The following EVA1A variants were observed in gnomAD, a reference collection of about 807,000 sequenced individuals.
The protein encoded by EVA1A is protein eva-1 homolog A.
EVA1A carries 7 observed loss-of-function variants against 9.8 expected under a neutral mutation model. The ratio of observed to expected loss-of-function variants is 0.71; its 90% CI spans 0.41 to 1.34. The LOEUF (loss-of-function observed/expected upper bound fraction) is 1.34, where lower values mean the gene tolerates loss of function less well. Ranked by LOEUF, EVA1A falls within the 40% of genes most tolerant of loss-of-function variation. EVA1A has a pLI of 0.01. For synonymous variants in EVA1A, 90 were observed against 85.6 expected, an observed-to-expected ratio of 1.05 and a Z score of -0.28; for missense variants, 206 against 205.9, an observed-to-expected ratio of 1.00 and a Z score of 0.00.
At chr2:75,511,845 C>T (rs1674824506) in intron 3 of EVA1A, among the ~76,000 whole-genome samples, 1 of 151,958 alleles carries the variant, frequency 6.6e-6, no homozygotes, top group Non-Finnish European at 1.5e-5. Flanking sequence ...CCTAGGAGTT[C>T]CAGCAGGGGA....
upstream of EVA1A, chr2:75,561,338 C>A (rs1676916563): frequency 6.6e-6 from 1 of 151,568 alleles, no homozygotes; most frequent in Admixed American, 6.6e-5. Context: ...TCAACTCAGA[C>A]AGGAAATAAC....
At chr2:75,543,052 A>G (rs1021021926) in intron 1 of EVA1A, among the ~76,000 whole-genome samples, 10 of 152,210 alleles carry the variant, frequency 6.6e-5, no homozygotes, top group African/African-American at 2.4e-4. Context: ...CTGGCAGGAA[A>G]TGGCTGTATA....
intron 2 of EVA1A, 81 bp from the exon 3 acceptor site, chr2:75,518,289 A>G: frequency 7.2e-7 from 1 of 1,395,326 alleles, no homozygotes; most frequent in Non-Finnish European, 9.5e-7. Context: ...ACTCCTAAAG[A>G]CATATTTTTG....
At position 75,510,562 on chromosome 2, in the gene EVA1A, C is replaced by T. The variant is rs755370566; in HGVS notation, c.85+7494G>A. Among the ~76,000 whole-genome samples, 37 of 152,116 alleles carry T rather than the reference C, an allele frequency of 2.4e-4. 1 individual carries two copies. The highest frequency in any genetic ancestry group is 1.3e-4 in the Non-Finnish European group (9 of 68,006). ...TACCAATGTCATGGGAAACATGATT[C>T]GAATTCTGGTTAAATACTAAACAGC... is the stretch of plus-strand genomic sequence containing the variant. On this transcript the variant is annotated intron_variant, in intron 3 of 3. Transcript: ENST00000393913.
In EVA1A at chr2:75,493,350, C is replaced by T. The variant is rs199652572; in HGVS notation, c.345G>A (p.Ala115=). The part of the protein sequence containing the change: ...RTLNKNVFTS[A]EELERAQRLE... ...GCCGCTGGGCGCGCTCCAGCTCCTCCGCAGAGGTGAACACATTCTTGTTCA... is the reference window on the plus strand; with the variant it reads ...GCCGCTGGGCGCGCTCCAGCTCCTCTGCAGAGGTGAACACATTCTTGTTCA... The change falls in exon 4 of 4, where the codon GCG becomes GCA. Residue 115 remains alanine, a synonymous_variant. Coordinates refer to ENST00000393913, the MANE Select transcript of EVA1A (RefSeq NM_001135032.2). The T allele has an allele frequency of 6.8e-6, 11 of 1,614,214 alleles. No individual in the cohort carries two copies. Among genetic ancestry groups the T allele is most frequent in the African/African-American group, 1.3e-5 (1 of 75,078 alleles).
At chr2:75,526,420 C>T (rs1355172090) in intron 1 of EVA1A, among the ~76,000 whole-genome samples, 1 of 152,186 alleles carries the variant, frequency 6.6e-6, no homozygotes, top group Non-Finnish European at 1.5e-5. Flanking sequence ...AGACCTTTCT[C>T]TTCAACCAGA....
upstream of EVA1A, among the ~76,000 whole-genome samples, chr2:75,563,078 T>C (rs1676957239): frequency 6.6e-6 from 1 of 152,254 alleles, no homozygotes; most frequent in African/African-American, 2.4e-5. Context: ...ACTGCTAATA[T>C]GTGTTGGTAC....
chr2:75,519,821 C>CATGTTTT (rs145063405), intron 2 of EVA1A, among the ~76,000 whole-genome samples: 4,851 of 152,302 alleles, frequency 0.032, 153 homozygotes, highest in East Asian at 0.15. Flanking sequence ...TCCCTCCTTC[C>CATGTTTT]TGTCTCCACT....
At chr2:75,568,096 C>T (rs1458744267) in intron 1 of EVA1A, among the ~76,000 whole-genome samples, 3 of 152,124 alleles carry the variant, frequency 2.0e-5, no homozygotes, top group Middle Eastern at 3.2e-3. Flanking sequence ...TGACTTCAAA[C>T]TCCCTGGGCA....
intron 3 of EVA1A, among the ~76,000 whole-genome samples, chr2:75,515,047 A>AT (rs1474282778): frequency 6.6e-6 from 1 of 152,072 alleles, no homozygotes; most frequent in Non-Finnish European, 1.5e-5. Context: ...TCCATTTTGC[A>AT]TTTTTCTGCC....
At chr2:75,557,703 C>T (rs1266335232) in intron 1 of EVA1A, among the ~76,000 whole-genome samples, 1 of 152,244 alleles carries the variant, frequency 6.6e-6, no homozygotes, top group Non-Finnish European at 1.5e-5. Flanking sequence ...AGTTAATCCT[C>T]TTCTAGCCCT....
intron 3 of EVA1A, among the ~76,000 whole-genome samples, chr2:75,500,493 T>A (rs1674375634): frequency 1.3e-5 from 2 of 152,028 alleles, no homozygotes. Context: ...TGGCAATAAG[T>A]GATATTTATT....
chr2:75,527,228 T>C (rs1675478628), intron 1 of EVA1A, among the ~76,000 whole-genome samples: 1 of 152,164 alleles, frequency 6.6e-6, no homozygotes, highest in African/African-American at 2.4e-5. Context: ...TAGCCTAGAC[T>C]TTCACCCTTA....
chr2:75,563,947 CTAAGA>C (rs1347105889), upstream of EVA1A, among the ~76,000 whole-genome samples: 2 of 152,158 alleles, frequency 1.3e-5, no homozygotes, highest in Non-Finnish European at 2.9e-5. Context: ...GTGATTTATT[CTAAGA>C]TGAGAGGGCC....
intron 1 of EVA1A, chr2:75,541,931 T>C (rs1238103405): frequency 6.6e-6 from 1 of 152,270 alleles, no homozygotes; most frequent in Admixed American, 6.5e-5. Context: ...TGGTGTGATA[T>C]GATTTGGCTC....
chr2:75,498,289 T>C (rs1338907458), intron 3 of EVA1A, among the ~76,000 whole-genome samples: 2 of 120,782 alleles, frequency 1.7e-5, no homozygotes, highest in Non-Finnish European at 3.2e-5. Flanking sequence ...TGGGTAAACG[T>C]GGACATAAAG....
chr2:75,551,909 C>T (rs904736687), intron 1 of EVA1A, among the ~76,000 whole-genome samples: 2 of 152,116 alleles, frequency 1.3e-5, no homozygotes, highest in African/African-American at 2.4e-5. Context: ...GGCCGGGCAC[C>T]GTAGCTCATG....
At chr2:75,566,550 A>T (rs545892082) in intron 1 of EVA1A, among the ~76,000 whole-genome samples, 31 of 152,348 alleles carry the variant, frequency 2.0e-4, no homozygotes, top group Admixed American at 1.8e-3. Context: ...CCCGAAAAGG[A>T]TGAAATATTG....
chr2:75,524,543 T>G (rs1046667004), intron 1 of EVA1A, among the ~76,000 whole-genome samples: 2 of 152,126 alleles, frequency 1.3e-5, no homozygotes, highest in African/African-American at 4.8e-5. Context: ...AATATAATCA[T>G]TCATATTTGC....
Sources: allele counts gnomAD v4.1 joint callset (sites outside exome capture counted in the v4.1 genomes callset), GRCh38; gene constraint gnomAD v4.1.1; transcripts MANE v1.5; gene names NCBI Gene and HGNC (gene_info 2026-07-23, HGNC 2026-07-21).